The following EFS variants were observed in gnomAD, a reference collection of about 807,000 sequenced individuals.
EFS encodes embryonal Fyn-associated substrate.
EFS carries 34 observed loss-of-function variants against 42.2 expected under a neutral mutation model. The observed-to-expected ratio is 0.81, with a 90% CI of 0.61 to 1.07. The LOEUF is 1.07. EFS is among the 50% of genes least tolerant of loss of function. EFS has a pLI of 0.00. For synonymous variants in EFS, 299 were observed against 320.7 expected (o/e 0.93, Z 0.72); for missense variants, 717 against 729.4 (o/e 0.98, Z 0.20).
rs758419481 is a variant in EFS, at chr14:23,360,267, C to T, written c.312G>A (p.Pro104=). The change falls in exon 3 of 6, where the codon CCG becomes CCA. Residue 104 remains proline (P), a synonymous_variant. Coordinates refer to ENST00000216733, the MANE Select transcript of EFS (RefSeq NM_005864.4). ...SNEDQEVYVV[P]PPARPCPTSG... is the part of the protein sequence containing the mutation. ...AGGTTGGACAGGGCCGAGCTGGGGG[C>T]GGCACCACATACACCTGAGGGATCA... 2.2e-5 allele frequency: 36 copies of T among 1,612,128 alleles called. No individual in the cohort carries two copies. Among genetic ancestry groups the T allele is most frequent in the East Asian group, 8.9e-5 (4 of 44,876 alleles).
intron 1 of EFS, 50 bp downstream of exon 1, chr14:23,364,958 C>T (rs778695257): frequency 7.9e-7 from 1 of 1,262,164 alleles, no homozygotes; most frequent in Non-Finnish European, 1.0e-6. Context: ...GAGCGCAGGG[C>T]AGGCCGTGGA....
In EFS at chr14:23,359,770, G is replaced by A. The variant is rs780903931; in HGVS notation, c.708C>T (p.Pro236=). The change falls in exon 4 of 6, where the codon CCC becomes CCT. Residue 236 remains proline (P), a synonymous_variant. Transcript: ENST00000216733. ...CCTCCCCGTCTGCCAGCAGTTCCTC[G>A]GGTGCTTCATACAAATTGAGTAAGG... ...ASALLNLYEA[P]EELLADGEGG... The A allele has an allele frequency of 3.4e-5, 52 of 1,517,918 alleles. No individual in the cohort carries two copies. In the East Asian group the frequency reaches 3.7e-4, roughly 11 times the overall value. The allele number at this position is 1,517,918 out of a possible 1,614,324, so 94.0% of individuals were successfully genotyped here.
rs887784364 is a variant in EFS, at chr14:23,357,419, G to A, written c.1493C>T (p.Ala498Val). 1 of 1,611,966 alleles carries A rather than the reference G, an allele frequency of 6.2e-7. No individual in the cohort carries two copies. The highest frequency in any genetic ancestry group is 1.3e-5 in the African/African-American group (1 of 75,052). ...AGCCCTGACCTGTGCTCTCAGAGGG[G>A]CAGAGGCTGCCAGCCGGCCCAGGGT... ...GDTLGRLAAS[A>V]PLRAQVRAAG... is the part of the protein sequence containing the mutation. Residue 498 changes from alanine to valine, a missense_variant, in exon 6 of 6, where the codon GCC becomes GTC. Transcript: ENST00000216733.
chr14:23,357,339 C>G lies in EFS; in HGVS notation c.1573G>C (p.Ala525Pro). The change falls in exon 6 of 6, where the codon GCT becomes CCT. Residue 525 changes from alanine to proline, a missense_variant. Physicochemically the swap from Ala to Pro is conservative, Grantham distance 27. Coordinates refer to ENST00000216733, the MANE Select transcript of EFS (RefSeq NM_005864.4). The stretch of plus-strand genomic sequence containing the variant: ...GGGCTGGATGGGTAGCCCAGGGCAG[C>G]TCCCTTGACAGCCAGCACAGTGGCC... ...LRATVLAVKGAALGYPSSPAI... is the reference protein window; with the variant it reads ...LRATVLAVKGPALGYPSSPAI... 1 of 1,611,806 alleles carries G rather than the reference C, an allele frequency of 6.2e-7. No homozygotes were observed.
chr14:23,358,937 G>C lies in EFS; in HGVS notation c.1190C>G (p.Pro397Arg), dbSNP rs149122009. 2.0e-3 allele frequency: 3,187 copies of C among 1,612,908 alleles called. 6 individuals carry two copies. Among genetic ancestry groups the C allele is most frequent in the Non-Finnish European group, 2.5e-3 (2,911 of 1,179,530 alleles). ...KGMDKAQGSR[P>R]PDQACTGDPE... ...ATCCCCTGTGCAGGCCTGATCCGGG[G>C]GCCTAGATCCCTGAGCTTTGTCCAT... The change falls in exon 5 of 6, where the codon CCC becomes CGC. Residue 397 changes from proline (P) to arginine (R), a missense_variant. Pro to Arg is a moderately radical substitution (Grantham distance 103, BLOSUM62 -2). Transcript: ENST00000216733.
At chr14:23,360,444 G>A (rs1391534996) in intron 2 of EFS, 111 bp downstream of exon 2, 1 of 1,491,610 alleles carries the variant, frequency 6.7e-7, no homozygotes, top group African/African-American at 1.4e-5. Context: ...GAGCAGTGAA[G>A]AGCTGTGGCC....
rs115984700 is a variant in EFS, at chr14:23,360,160, G to T, written c.419C>A (p.Ala140Asp). Reference protein sequence around the residue: ...IPRASGTQLAAPRDALEVYDV... With the variant: ...IPRASGTQLADPRDALEVYDV... ...CCTCACCTCCAAGGCATCTCTGGGA[G>T]CAGCCAGCTGGGTCCCACTAGCTCT... Residue 140 changes from alanine (A) to aspartate (D), a missense_variant, in exon 3 of 6, where the codon GCT (alanine) becomes GAT (aspartate). Coordinates refer to ENST00000216733, the MANE Select transcript of EFS (RefSeq NM_005864.4). 12,682 of 1,614,186 alleles carry T rather than the reference G, an allele frequency of 7.9e-3. 90 individuals are homozygous for T. Among genetic ancestry groups the T allele is most frequent in the Non-Finnish European group, 8.7e-3 (10,260 of 1,180,024 alleles).
At position 23,356,436 on chromosome 14, in the gene EFS, A is replaced by C. The variant is rs1019380250; in HGVS notation, c.*790T>G. The C allele has an allele frequency of 1.3e-5, 2 of 152,174 alleles. No individual in the cohort carries two copies. The highest frequency in any genetic ancestry group is 2.9e-5 in the Non-Finnish European group (2 of 68,038). 9.4% of individuals were successfully genotyped at this position (152,174 alleles called of 1,614,324 possible). The stretch of plus-strand genomic sequence containing the variant: ...TTTATGTTTTTATTTATGTATTTTA[A>C]CTGACTTATTTGTGTATCCCACTAG... On this transcript the variant is annotated 3_prime_UTR_variant, in exon 6 of 6. Transcript: ENST00000216733.
rs777944037 is a variant in EFS at position 23,357,300 on chromosome 14, T to A, written c.1612A>T (p.Met538Leu). ...GCCAGTTCTGTTACACACTGCACCA[T>A]CTCTTGGATGGCAGGGCTGGATGGG... ...GYPSSPAIQE[M>L]VQCVTELAGQ... Residue 538 changes from methionine to leucine, a missense_variant, in exon 6 of 6, where the codon ATG becomes TTG. Physicochemically the swap from Met to Leu is conservative, Grantham distance 15 (BLOSUM62 2). Coordinates refer to ENST00000216733, the MANE Select transcript of EFS (RefSeq NM_005864.4). 1.2e-6 allele frequency: 2 copies of A among 1,609,248 alleles called. No individual in the cohort carries two copies. Among genetic ancestry groups the A allele is most frequent in the Non-Finnish European group, 1.7e-6 (2 of 1,176,364 alleles).
rs766964133 is a variant in EFS, at chr14:23,359,564, C to T, written c.914G>A (p.Arg305His). The change falls in exon 4 of 6, where the codon CGC (arginine) becomes CAC (histidine). Residue 305 changes from arginine to histidine, a missense_variant. Transcript: ENST00000216733. Reference sequence around the variant, plus strand: ...AGGGACAGGCAGGGCAGGCAGAGGGCGGCGGGACAGGCTCTCAGCTGAGGG... The same window carrying T: ...AGGGACAGGCAGGGCAGGCAGAGGGTGGCGGGACAGGCTCTCAGCTGAGGG... The part of the protein sequence containing the change: ...RLPSAESLSR[R>H]PLPALPVPEA... 12 of 1,236,404 alleles carry T rather than the reference C, an allele frequency of 9.7e-6. No individual in the cohort carries two copies. The highest frequency in any genetic ancestry group is 3.4e-5 in the South Asian group (2 of 58,084). The allele number at this position is 1,236,404 out of a possible 1,614,324, so 76.6% of individuals were successfully genotyped here. A position where few individuals can be genotyped will look rare whatever the true frequency, so the allele number is the denominator to read the frequency against.
intron 1 of EFS, 92 bp from the exon 2 acceptor site, chr14:23,360,925 C>T (rs1211057737): frequency 3.8e-6 from 5 of 1,316,158 alleles, no homozygotes; most frequent in Non-Finnish European, 5.0e-6. Flanking sequence ...CTCCGCATTT[C>T]CCTCAAGCTA....
At chr14:23,363,716 T>C (rs1416145299) in intron 1 of EFS, among the ~76,000 whole-genome samples, 3 of 152,042 alleles carry the variant, frequency 2.0e-5, no homozygotes, top group African/African-American at 7.2e-5. Context: ...GGCGGATGGA[T>C]TGTTTGAGCC....
rs1025383009 is a variant in EFS at position 23,356,410 on chromosome 14, G to A, written c.*816C>T. ...CCAGCAAATGTCGAATCTATGGCAG[G>A]TTTATGTTTTTATTTATGTATTTTA... On this transcript the variant is annotated 3_prime_UTR_variant, in exon 6 of 6. Transcript: ENST00000216733. The A allele has an allele frequency of 1.3e-5, 2 of 152,124 alleles. No homozygotes were observed. The highest frequency in any genetic ancestry group is 4.8e-5 in the African/African-American group (2 of 41,416). The allele number at this position is 152,124 out of a possible 1,614,324, so 9.4% of individuals were successfully genotyped here.
intron 4 of EFS, 64 bp downstream of exon 4, chr14:23,359,253 C>A (rs1453788637): frequency 1.2e-6 from 2 of 1,608,194 alleles, no homozygotes; most frequent in Non-Finnish European, 1.7e-6. Context: ...TGCCCTAGGT[C>A]TCCACACCCC....
chr14:23,360,787 T>TG lies in EFS; in HGVS notation c.64dup (p.Gln22ProfsTer75). The TG allele has an allele frequency of 5.0e-6, 8 of 1,613,698 alleles. No homozygotes were observed. Among genetic ancestry groups the TG allele is most frequent in the South Asian group, 1.1e-5 (1 of 91,044 alleles). On this transcript the variant is annotated frameshift_variant, in exon 2 of 6. Coordinates refer to ENST00000216733, the MANE Select transcript of EFS (RefSeq NM_005864.4). LOFTEE classifies it high-confidence loss of function. ...ATCCCCTCGGCGGAAGGACAGCTCCTGGGGGGACTCAGCGGTGTTGTCATA... is the reference window on the plus strand; with the variant it reads ...ATCCCCTCGGCGGAAGGACAGCTCCTGGGGGGGACTCAGCGGTGTTGTCATA...
At position 23,357,578 on chromosome 14, in the gene EFS, C is replaced by T. The variant is rs529242556; in HGVS notation, c.1334G>A (p.Ser445Asn). ...GGCTGCCTGCAGGGCTGAGTAGTGG[C>T]TCTGGCATTGCCCAGCATAGAAGTA... ...LLYFYAGQCQSHYSALQAAVA... is the reference protein window; with the variant it reads ...LLYFYAGQCQNHYSALQAAVA... The change falls in exon 6 of 6, where the codon AGC becomes AAC. Residue 445 changes from serine (S) to asparagine (N), a missense_variant. Ser to Asn is a conservative substitution (Grantham distance 46, BLOSUM62 1). Coordinates refer to ENST00000216733, the MANE Select transcript of EFS (RefSeq NM_005864.4). 3.7e-6 allele frequency: 6 copies of T among 1,605,130 alleles called. No individual in the cohort carries two copies. In the East Asian group the frequency reaches 6.7e-5, roughly 18 times the overall value.
chr14:23,362,746 A>G (rs972381009), intron 1 of EFS, among the ~76,000 whole-genome samples: 1 of 152,048 alleles, frequency 6.6e-6, no homozygotes, highest in Non-Finnish European at 1.5e-5. Context: ...TTAAAATTTT[A>G]TTTAAAATAT....
chr14:23,358,899 C>T lies in EFS; in HGVS notation c.1228G>A (p.Glu410Lys), dbSNP rs149944703. The change falls in exon 5 of 6, where the codon GAG becomes AAG. Residue 410 changes from glutamate (E) to lysine (K), a missense_variant. Physicochemically the swap from Glu to Lys is moderately conservative, Grantham distance 56. Transcript: ENST00000216733. ...ACCTGCGGCGCCGGCATCCCCCTCTCGGGCAGTTCAGGATCCCCTGTGCAG... is the reference window on the plus strand; with the variant it reads ...ACCTGCGGCGCCGGCATCCCCCTCTTGGGCAGTTCAGGATCCCCTGTGCAG... ...QACTGDPELP[E>K]RGMPAPQEAL... 1.5e-5 allele frequency: 24 copies of T among 1,612,828 alleles called. No homozygotes were observed. Among genetic ancestry groups the T allele is most frequent in the East Asian group, 1.1e-4 (5 of 44,848 alleles).
At chr14:23,363,523 AG>A (rs1449512644) in intron 1 of EFS, among the ~76,000 whole-genome samples, 1 of 152,214 alleles carries the variant, frequency 6.6e-6, no homozygotes, top group African/African-American at 2.4e-5. Flanking sequence ...AAAGCTGACC[AG>A]CTGGCTTCTG....
Sources: gnomAD v4.1 joint callset for allele counts (sites outside exome capture counted in the v4.1 genomes callset) on GRCh38, gnomAD v4.1.1 for gene constraint, MANE v1.5 for transcripts, NCBI Gene and HGNC (gene_info 2026-07-23, HGNC 2026-07-21) for gene names.